Variants in SPATA13 observed in about 807,000 individuals in gnomAD.
The protein encoded by SPATA13 is spermatogenesis associated 13.
A neutral mutation model predicts 104.0 loss-of-function variants in SPATA13; 50 were observed. The observed-to-expected ratio is 0.48, with a 90% CI of 0.38 to 0.61. The LOEUF (loss-of-function observed/expected upper bound fraction) is 0.61. SPATA13 is among the 20% of genes least tolerant of loss of function. SPATA13 has a pLI of 0.00. For synonymous variants in SPATA13, 606 were observed against 667.5 expected (o/e 0.91, Z 1.42); for missense variants, 1,524 against 1,690.6 (o/e 0.90, Z 1.73).
intron 3 of SPATA13, among the ~76,000 whole-genome samples, chr13:24,110,022 T>C (rs1306558374): frequency 6.1e-5 from 9 of 148,244 alleles, no homozygotes; most frequent in Non-Finnish European, 1.2e-4. Context: ...CGGATGCTCT[T>C]ATGCTTTTAG....
chr13:24,219,533 C>T (rs1185506100), intron 1 of SPATA13, among the ~76,000 whole-genome samples: 1 of 152,222 alleles, frequency 6.6e-6, no homozygotes, highest in Admixed American at 6.5e-5. Context: ...ATAACTGATA[C>T]GACTTCACAT....
chr13:24,292,254 G>A (rs562025678), intron 9 of SPATA13, among the ~76,000 whole-genome samples: 2 of 152,316 alleles, frequency 1.3e-5, no homozygotes, highest in South Asian at 4.1e-4. Context: ...GAATGTGCAT[G>A]CCCATTTTCC....
At chr13:24,194,533 C>T (rs1425793533) in intron 1 of SPATA13, among the ~76,000 whole-genome samples, 3 of 152,166 alleles carry the variant, frequency 2.0e-5, no homozygotes, top group Non-Finnish European at 4.4e-5. Flanking sequence ...ACTTAACAAT[C>T]CTTATTTTAC....
At chr13:24,185,575 A>G (rs1869091986) in intron 1 of SPATA13, among the ~76,000 whole-genome samples, 1 of 152,112 alleles carries the variant, frequency 6.6e-6, no homozygotes, top group South Asian at 2.1e-4. Flanking sequence ...GACTATTGAT[A>G]AGTCCTTTAT....
chr13:24,275,496 C>G (rs114843150), intron 4 of SPATA13, among the ~76,000 whole-genome samples: 2,706 of 152,358 alleles, frequency 0.018, 75 homozygotes, highest in African/African-American at 0.061. Context: ...TGTGCTCCTT[C>G]TACCTGACTG....
chr13:24,071,486 A>T (rs533265266), intron 3 of SPATA13, among the ~76,000 whole-genome samples: 72 of 152,334 alleles, frequency 4.7e-4, no homozygotes, highest in African/African-American at 1.7e-3. Context: ...TTTACAGATG[A>T]GAAGGCCAAG....
intron 3 of SPATA13, among the ~76,000 whole-genome samples, chr13:24,152,521 G>C (rs1283072733): frequency 6.6e-6 from 1 of 152,252 alleles, no homozygotes; most frequent in Admixed American, 6.5e-5. Context: ...CCTCCCCAGT[G>C]AGGTCTTGCA....
chr13:24,273,694 C>T (rs549807397), intron 4 of SPATA13, among the ~76,000 whole-genome samples: 15 of 152,062 alleles, frequency 9.9e-5, no homozygotes, highest in Admixed American at 2.0e-4. Context: ...AATGTAAATG[C>T]GATACATATT....
At chr13:24,282,930 A>C (rs1373741275) in intron 4 of SPATA13, among the ~76,000 whole-genome samples, 1 of 152,202 alleles carries the variant, frequency 6.6e-6, no homozygotes, top group Non-Finnish European at 1.5e-5. Flanking sequence ...TCTTTCTGTC[A>C]TATGAGGGGA....
rs927386525 is a variant in SPATA13, at chr13:24,304,139, A to G, written c.*1366A>G. The G allele has an allele frequency of 6.6e-6, 1 of 152,256 alleles. No homozygotes were observed. The highest frequency in any genetic ancestry group is 1.5e-5 in the Non-Finnish European group (1 of 68,054). The allele number at this position is 152,256 out of a possible 1,614,324, so 9.4% of individuals were successfully genotyped here. ...TATCACATATAAAGCCAAACAGGGC[A>G]TAACCATGTCACGTGAGCATGTCAT... On this transcript the variant is annotated 3_prime_UTR_variant, in exon 13 of 13. Coordinates refer to ENST00000382108, the MANE Select transcript of SPATA13 (RefSeq NM_001166271.3).
intron 1 of SPATA13, among the ~76,000 whole-genome samples, chr13:24,211,099 A>G (rs918148289): frequency 3.3e-5 from 5 of 152,254 alleles, no homozygotes; most frequent in African/African-American, 1.2e-4. Context: ...TGATTTTTCC[A>G]TGTTGATATT....
intron 3 of SPATA13, among the ~76,000 whole-genome samples, chr13:24,028,859 T>C (rs752396837): frequency 6.6e-6 from 1 of 152,198 alleles, no homozygotes; most frequent in Non-Finnish European, 1.5e-5. Flanking sequence ...GTGTTTTTTA[T>C]GTTTCTGGTC....
intron 11 of SPATA13, among the ~76,000 whole-genome samples, chr13:24,298,771 A>G (rs1467126304): frequency 2.6e-5 from 4 of 152,174 alleles, no homozygotes; most frequent in South Asian, 2.1e-4. Flanking sequence ...AAGCTTGGCT[A>G]CAGAATTTGG....
intron 3 of SPATA13, among the ~76,000 whole-genome samples, chr13:24,028,990 T>C (rs1877356578): frequency 6.6e-6 from 1 of 152,166 alleles, no homozygotes; most frequent in Admixed American, 6.5e-5. Flanking sequence ...TGGGCCAGTA[T>C]TTTTTTCTTT....
chr13:24,139,780 C>T (rs2138455181), intron 3 of SPATA13, among the ~76,000 whole-genome samples: 1 of 152,260 alleles, frequency 6.6e-6, no homozygotes, highest in East Asian at 1.9e-4. Flanking sequence ...AAATCTGTAA[C>T]ATGCAGGCCG....
intron 3 of SPATA13, among the ~76,000 whole-genome samples, chr13:24,102,288 A>T (rs1479646815): frequency 6.6e-6 from 1 of 152,146 alleles, no homozygotes; most frequent in Non-Finnish European, 1.5e-5. Context: ...CTTTAGAGAA[A>T]TGCCTATCCA....
At chr13:24,052,686 T>G (rs1383540780) in intron 3 of SPATA13, among the ~76,000 whole-genome samples, 1 of 151,674 alleles carries the variant, frequency 6.6e-6, no homozygotes, top group African/African-American at 2.4e-5. Context: ...CAGTAGAGTG[T>G]GTCTAAATTT....
intron 3 of SPATA13, among the ~76,000 whole-genome samples, chr13:24,147,484 T>A (rs1258676839): frequency 6.6e-6 from 1 of 152,180 alleles, no homozygotes; most frequent in Non-Finnish European, 1.5e-5. Flanking sequence ...CCCTTCTCCG[T>A]TGGAAGTGGT....
At chr13:24,299,877 G>A (rs1382599285) in intron 11 of SPATA13, among the ~76,000 whole-genome samples, 1 of 152,224 alleles carries the variant, frequency 6.6e-6, no homozygotes. Context: ...CACGTACACT[G>A]TCACTGTGCT....
Sources: allele counts gnomAD v4.1 joint callset (sites outside exome capture counted in the v4.1 genomes callset), GRCh38; gene constraint gnomAD v4.1.1; transcripts MANE v1.5; gene names NCBI Gene and HGNC (gene_info 2026-07-23, HGNC 2026-07-21).